SMS: variants seen among roughly 807,000 people sequenced by gnomAD.
The protein encoded by SMS is spermidine aminopropyltransferase.
In SMS, 3 loss-of-function variants were observed where a neutral mutation model predicts 33.0. The ratio of observed to expected loss-of-function variants is 0.09; its 90% confidence interval spans 0.04 to 0.23. The LOEUF (loss-of-function observed/expected upper bound fraction) is 0.23. Ranked by LOEUF, SMS falls within the 10% of genes least tolerant of loss-of-function variation. The pLI is 1.00. For missense variants in SMS, 117 were observed against 288.6 expected (o/e 0.41, Z 4.31); for synonymous variants, 103 against 112.2 (o/e 0.92, Z 0.52).
At chrX:21,959,896 C>G (rs1363483017) in intron 1 of SMS, 1 of 751,284 alleles carries the variant, frequency 1.3e-6, no homozygotes, top group Admixed American at 8.7e-5. Flanking sequence ...ACCATCTTCC[C>G]GTGGAGAGAG....
In SMS at chrX:21,972,507, AT is replaced by A; in HGVS notation, c.269del (p.Leu90Ter). 1 of 1,176,843 alleles carries A rather than the reference AT, an allele frequency of 8.5e-7. No homozygotes were observed. Among genetic ancestry groups the A allele is most frequent in the Non-Finnish European group, 1.2e-6 (1 of 863,889 alleles). ...DAQGKEEIDSILNKVEERMKE... is the reference protein window; with the variant it reads ...DAQGKEEIDSXLNKVEERMKE... ...CCATTGATTTTTCTTTTAATTGTAG[AT>A]TTTGAACAAAGTAGAGGAAAGAATG... On this transcript the variant is annotated frameshift_variant and splice_region_variant, in exon 4 of 11. Coordinates refer to ENST00000404933, the MANE Select transcript of SMS (RefSeq NM_004595.5). LOFTEE classifies it high-confidence loss of function.
At chrX:21,943,538 C>T (rs1921973092) in intron 1 of SMS, among the ~76,000 whole-genome samples, 1 of 110,633 alleles carries the variant, frequency 9.0e-6, no homozygotes, top group Admixed American at 9.6e-5. Context: ...AAAGATGAAA[C>T]ATAAGCTGTT....
chrX:21,943,225 T>C (rs1921949487), intron 1 of SMS, among the ~76,000 whole-genome samples: 1 of 112,132 alleles, frequency 8.9e-6, no homozygotes, highest in Non-Finnish European at 1.9e-5. Context: ...CCCTTTGTCC[T>C]TAAACCTCCT....
At position 21,984,403 on chromosome X, in the gene SMS, A is replaced by C. The variant is rs1281334383; in HGVS notation, c.850A>C (p.Thr284Pro). 2 of 1,150,224 alleles carry C rather than the reference A, an allele frequency of 1.7e-6. No homozygotes were observed. Among genetic ancestry groups the C allele is most frequent in the Non-Finnish European group, 2.4e-6 (2 of 839,402 alleles). 94.8% of individuals were successfully genotyped at this position (1,150,224 alleles called of 1,213,427 possible). A position where few individuals can be genotyped will look rare whatever the true frequency, so the allele number is the denominator to read the frequency against. The change falls in exon 8 of 11, where the codon ACG becomes CCG. Residue 284 changes from threonine to proline, a missense_variant. Physicochemically the swap from Thr to Pro is conservative, Grantham distance 38. Coordinates refer to ENST00000404933, the MANE Select transcript of SMS (RefSeq NM_004595.5). ...TGATTTGACAGCTGTTCCAATCTCC[A>C]CGTCTCCAGAAGAAGGTAGATTTTT... ...INDLTAVPIS[T>P]SPEEDSTWEF...
At chrX:21,940,960 C>T (rs1407939833) in intron 1 of SMS, 87 bp downstream of exon 1, 4 of 472,887 alleles carry the variant, frequency 8.5e-6, no homozygotes, top group South Asian at 1.0e-4. Context: ...GTGGCGTGCG[C>T]CGCGGGCCGA....
intron 1 of SMS, 50 bp downstream of exon 1, chrX:21,940,923 C>T: frequency 1.1e-6 from 1 of 913,818 alleles, no homozygotes; most frequent in Non-Finnish European, 1.4e-6. Flanking sequence ...GCTCCCGCCG[C>T]CTGGCGGGCT....
At chrX:21,993,347 G>A (rs367566269) in intron 10 of SMS, among the ~76,000 whole-genome samples, 7 of 112,738 alleles carry the variant, frequency 6.2e-5, no homozygotes, top group East Asian at 2.8e-4. Context: ...TGTTAGTTCC[G>A]CTTAGTAAAG....
chrX:21,966,750 C>T (rs1923749100), intron 1 of SMS, among the ~76,000 whole-genome samples: 1 of 112,284 alleles, frequency 8.9e-6, no homozygotes, highest in African/African-American at 3.2e-5. Flanking sequence ...CAGCAGTGGA[C>T]AGGTATCCCC....
intron 7 of SMS, among the ~76,000 whole-genome samples, chrX:21,980,747 A>G (rs935110453): frequency 9.0e-6 from 1 of 111,085 alleles, no homozygotes; most frequent in Non-Finnish European, 1.9e-5. Context: ...GATGATGTGA[A>G]TACTAGAAAA....
chrX:21,990,597 TTTC>T (rs748308853), intron 9 of SMS, among the ~76,000 whole-genome samples: 133 of 112,884 alleles, frequency 1.2e-3, no homozygotes, highest in African/African-American at 3.8e-3. Flanking sequence ...TGGTGTGTGT[TTTC>T]TTCTTTGAAA....
At chrX:21,955,979 A>T (rs1385719752) in intron 1 of SMS, among the ~76,000 whole-genome samples, 1 of 112,260 alleles carries the variant, frequency 8.9e-6, no homozygotes, top group Non-Finnish European at 1.9e-5. Context: ...AACCAGCAAG[A>T]TGCTGCCCTC....
chrX:21,991,442 G>T (rs1237655842), intron 9 of SMS, among the ~76,000 whole-genome samples: 1 of 112,087 alleles, frequency 8.9e-6, no homozygotes, highest in East Asian at 2.8e-4. Flanking sequence ...GCCTCCCAAA[G>T]TTCTGGGATT....
intron 1 of SMS, among the ~76,000 whole-genome samples, chrX:21,963,346 C>G (rs1270127851): frequency 8.9e-6 from 1 of 111,789 alleles, no homozygotes; most frequent in Non-Finnish European, 1.9e-5. Flanking sequence ...CCTGGCAGGG[C>G]TAGCATACTC....
chrX:21,989,654 G>A (rs909856703), intron 9 of SMS, among the ~76,000 whole-genome samples: 9 of 110,500 alleles, frequency 8.1e-5, no homozygotes, highest in Admixed American at 6.7e-4. Context: ...AACTATACAC[G>A]CCTGAGGATT....
Position 21,947,480 on chromosome X carries a change from A to G in SMS, c.49+6607A>G, listed in dbSNP as rs1444934212. ...GTTCCTTATTTAAAACAACAACAAC[A>G]AAAACTTGTCTGAAACCTTTGGCAC... is the stretch of plus-strand genomic sequence containing the variant. On this transcript the variant is annotated intron_variant, in intron 1 of 10. Coordinates refer to ENST00000404933, the MANE Select transcript of SMS (RefSeq NM_004595.5). 2.7e-5 allele frequency among the ~76,000 whole-genome samples: 3 copies of G among 112,118 alleles called. No homozygotes were observed. The East Asian group carries it at 8.4e-4, about 31-fold the overall frequency.
intron 1 of SMS, among the ~76,000 whole-genome samples, chrX:21,954,391 A>G (rs1477042058): frequency 8.9e-6 from 1 of 112,262 alleles, no homozygotes; most frequent in Admixed American, 9.4e-5. Context: ...CCTTTAGACC[A>G]TCTAGGTGCA....
intron 4 of SMS, among the ~76,000 whole-genome samples, chrX:21,972,952 A>G (rs1278943578): frequency 9.3e-6 from 1 of 107,405 alleles, no homozygotes; most frequent in East Asian, 2.9e-4. Context: ...TCAGAATGGC[A>G]GTGTGGTCCC....
At chrX:21,952,293 A>T (rs1413240005) in intron 1 of SMS, among the ~76,000 whole-genome samples, 1 of 111,070 alleles carries the variant, frequency 9.0e-6, no homozygotes, top group African/African-American at 3.3e-5. Context: ...GCTCTCCTCT[A>T]TTCCCATTTT....
intron 1 of SMS, among the ~76,000 whole-genome samples, chrX:21,956,678 C>T (rs958168729): frequency 3.6e-5 from 4 of 111,147 alleles, no homozygotes; most frequent in Admixed American, 1.9e-4. Context: ...TCATGTTGCT[C>T]AGGCTGGTCT....
Sources: gnomAD v4.1 joint callset for allele counts (sites outside exome capture counted in the v4.1 genomes callset) on GRCh38, gnomAD v4.1.1 for gene constraint, MANE v1.5 for transcripts, NCBI Gene and HGNC (gene_info 2026-07-23, HGNC 2026-07-21) for gene names.